The following SH3D19 variants were observed in gnomAD, a reference collection of about 807,000 sequenced individuals.
The protein encoded by SH3D19 is SH3 domain-containing protein 19.
Under a neutral mutation model 112.1 loss-of-function variants are expected in SH3D19, and 58 were observed. The observed-to-expected ratio is 0.52, with a 90% CI of 0.42 to 0.64. The LOEUF is 0.64. SH3D19 is among the 30% of genes least tolerant of loss of function. SH3D19 has a pLI of 0.00. For synonymous variants in SH3D19, 391 were observed against 448.5 expected (o/e 0.87, Z 1.62); for missense variants, 1,090 against 1,263.4 (o/e 0.86, Z 2.08).
intron 1 of SH3D19, among the ~76,000 whole-genome samples, chr4:151,228,552 A>C (rs1317091980): frequency 6.6e-6 from 1 of 151,952 alleles, no homozygotes; most frequent in Non-Finnish European, 1.5e-5. Context: ...AGTAATTTTC[A>C]TGATAGTCAA....
intron 10 of SH3D19, among the ~76,000 whole-genome samples, chr4:151,148,852 A>G (rs1754420530): frequency 6.6e-6 from 1 of 152,072 alleles, no homozygotes; most frequent in Non-Finnish European, 1.5e-5. Flanking sequence ...ATCCTGGCCA[A>G]CATGGTGAAA....
At position 151,219,351 on chromosome 4, in the gene SH3D19, C is replaced by T. The variant is rs930702612; in HGVS notation, c.152+6696G>A. Among the ~76,000 whole-genome samples the T allele has an allele frequency of 9.2e-5, 14 of 152,162 alleles. 2 individuals are homozygous for T. Among genetic ancestry groups the T allele is most frequent in the South Asian group, 6.2e-4 (3 of 4,824 alleles). On this transcript the variant is annotated intron_variant, in intron 2 of 19. Transcript: ENST00000604030. Reference sequence around the variant, plus strand: ...GTAATTTTCTATCCACTGACCCCCACGCCCTGCTCTTTTACTATAAATTCC... The same window carrying T: ...GTAATTTTCTATCCACTGACCCCCATGCCCTGCTCTTTTACTATAAATTCC...
chr4:151,187,917 C>T lies in SH3D19; in HGVS notation c.153-454G>A, dbSNP rs62346570. ...TTCTTCTTAAGATTAGAATTTAAAA[C>T]ATCACCACCTAAAAATAAAATAATC... On this transcript the variant is annotated intron_variant, in intron 2 of 19. Coordinates refer to ENST00000604030, the MANE Select transcript of SH3D19 (RefSeq NM_001378122.1). Among the ~76,000 whole-genome samples, 1,428 of 152,258 alleles carry T rather than the reference C, an allele frequency of 9.4e-3. 15 individuals are homozygous for T. Among genetic ancestry groups the T allele is most frequent in the Non-Finnish European group, 0.014 (921 of 68,006 alleles).
chr4:151,216,127 C>G (rs1020050672), intron 2 of SH3D19, among the ~76,000 whole-genome samples: 2 of 152,206 alleles, frequency 1.3e-5, no homozygotes, highest in African/African-American at 4.8e-5. Context: ...CCGCGCCCAG[C>G]CAGGGTGTTA....
At chr4:151,287,655 G>A (rs1774941701) in intron 1 of SH3D19, among the ~76,000 whole-genome samples, 1 of 152,198 alleles carries the variant, frequency 6.6e-6, no homozygotes, top group Admixed American at 6.5e-5. Context: ...AGCACTTTGA[G>A]AGGCCAAGAC....
Position 151,132,335 on chromosome 4 carries a change from G to C in SH3D19, c.2738C>G (p.Ser913Cys). The C allele has an allele frequency of 6.2e-7, 1 of 1,614,016 alleles. No homozygotes were observed. The highest frequency in any genetic ancestry group is 8.5e-7 in the Non-Finnish European group (1 of 1,179,942). ...KTKKEDSGSN[S>C]QVNSLPAEWC... ...TCATCTGTTCAAGCAGCCTACCTGA[G>C]AGTTTGAGCCAGAATCTTCTTTTTT... Residue 913 changes from serine (S) to cysteine (C), a missense_variant, in exon 17 of 20, where the codon TCT (serine) becomes TGT (cysteine). Physicochemically the swap from Ser to Cys is moderately radical, Grantham distance 112. Transcript: ENST00000604030.
At chr4:151,195,651 A>C (rs950920155) in intron 2 of SH3D19, among the ~76,000 whole-genome samples, 2 of 151,868 alleles carry the variant, frequency 1.3e-5, no homozygotes, top group Non-Finnish European at 2.9e-5. Context: ...GTGTTTTTAC[A>C]TATTAGTTCC....
intron 7 of SH3D19, among the ~76,000 whole-genome samples, chr4:151,169,522 A>G (rs992282922): frequency 2.6e-5 from 4 of 152,168 alleles, no homozygotes; most frequent in Non-Finnish European, 5.9e-5. Context: ...CGGTGGAGCC[A>G]GAGGCCTGTT....
At chr4:151,164,010 C>A (rs1307082374) in intron 8 of SH3D19, among the ~76,000 whole-genome samples, 3 of 152,172 alleles carry the variant, frequency 2.0e-5, no homozygotes, top group Non-Finnish European at 4.4e-5. Flanking sequence ...CATAGCAACT[C>A]AATTCAATTT....
intron 7 of SH3D19, among the ~76,000 whole-genome samples, chr4:151,167,065 GA>G (rs965877472): frequency 4.7e-5 from 7 of 147,450 alleles, no homozygotes; most frequent in East Asian, 3.9e-4. Flanking sequence ...TGCTACTGAG[GA>G]AAAAAAAAAT....
intron 17 of SH3D19, among the ~76,000 whole-genome samples, chr4:151,131,856 G>A (rs1008219268): frequency 1.3e-5 from 2 of 151,228 alleles, no homozygotes; most frequent in Non-Finnish European, 2.9e-5. Context: ...ATAGAGTCTC[G>A]CACTGCCACC....
intron 8 of SH3D19, among the ~76,000 whole-genome samples, chr4:151,160,018 C>A (rs1756853465): frequency 6.6e-6 from 1 of 151,826 alleles, no homozygotes; most frequent in Admixed American, 6.6e-5. Context: ...TTTGATAAGG[C>A]ATGCTGCTTC....
chr4:151,197,606 A>G (rs1479600461), intron 2 of SH3D19, among the ~76,000 whole-genome samples: 2 of 152,194 alleles, frequency 1.3e-5, no homozygotes, highest in Admixed American at 1.3e-4. Context: ...TCAATTAACC[A>G]CTGCAATATT....
chr4:151,185,907 G>C (rs919115739), intron 3 of SH3D19, among the ~76,000 whole-genome samples: 7 of 152,144 alleles, frequency 4.6e-5, no homozygotes, highest in African/African-American at 9.7e-5. Context: ...GGGCATGGTG[G>C]TGGGTGCCTG....
At chr4:151,171,690 A>G (rs185329784) in intron 7 of SH3D19, among the ~76,000 whole-genome samples, 128 of 152,288 alleles carry the variant, frequency 8.4e-4, no homozygotes, top group South Asian at 1.5e-3. Context: ...CATCACAATT[A>G]GTTTCACCAT....
At chr4:151,299,800 T>A (rs938213624) in intron 1 of SH3D19, among the ~76,000 whole-genome samples, 41 of 152,144 alleles carry the variant, frequency 2.7e-4, no homozygotes, top group African/African-American at 9.9e-4. Context: ...CTGAGTTAAG[T>A]GTCATACAAG....
chr4:151,157,209 A>G (rs1756277885), intron 9 of SH3D19, among the ~76,000 whole-genome samples: 1 of 152,014 alleles, frequency 6.6e-6, no homozygotes, highest in Non-Finnish European at 1.5e-5. Context: ...CTGTGATCAC[A>G]CAACTGCACT....
At chr4:151,154,624 T>A (rs1044515178) in intron 9 of SH3D19, among the ~76,000 whole-genome samples, 2 of 151,934 alleles carry the variant, frequency 1.3e-5, no homozygotes. Flanking sequence ...TTGCCCAAGC[T>A]GGAGTGCAGT....
At position 151,122,200 on chromosome 4, in the gene SH3D19, T is replaced by C; in HGVS notation, c.3035A>G (p.Asp1012Gly). The stretch of plus-strand genomic sequence containing the variant: ...TACAGATTCCAGCTCTGTTATTATA[T>C]CTCCAGCCTGTAAGACAAAAGGAGT... ...NEDELSFKAG[D>G]IITELESVDD... is the part of the protein sequence containing the mutation. The change falls in exon 20 of 20, where the codon GAT becomes GGT. Residue 1012 changes from aspartate (D) to glycine (G), a missense_variant. Asp to Gly is a moderately conservative substitution (Grantham distance 94). Transcript: ENST00000604030. The C allele has an allele frequency of 6.3e-7, 1 of 1,574,970 alleles. No individual in the cohort carries two copies. Among genetic ancestry groups the C allele is most frequent in the Non-Finnish European group, 8.7e-7 (1 of 1,145,772 alleles).
Sources: allele counts gnomAD v4.1 joint callset (sites outside exome capture counted in the v4.1 genomes callset), GRCh38; gene constraint gnomAD v4.1.1; transcripts MANE v1.5; gene names NCBI Gene and HGNC (gene_info 2026-07-23, HGNC 2026-07-21).